The following NOS2 variants were observed in gnomAD, a reference collection of about 807,000 sequenced individuals.
NOS2 encodes nitric oxide synthase, inducible.
NOS2 carries 96 observed loss-of-function variants against 136.0 expected under a neutral mutation model. The observed-to-expected ratio is 0.71, with a 90% CI of 0.60 to 0.84. The LOEUF (loss-of-function observed/expected upper bound fraction) is 0.84, where lower values mean the gene tolerates loss of function less well. Among genes scored for constraint, NOS2 ranks in the 40% least tolerant of loss-of-function variants. The pLI is 0.00. For missense variants in NOS2, 1,237 were observed against 1,496.9 expected, an observed-to-expected ratio of 0.83 and a Z score of 2.87; for synonymous variants, 539 against 587.5, an observed-to-expected ratio of 0.92 and a Z score of 1.20.
Position 27,764,066 on chromosome 17 carries a change from G to A in NOS2, c.2507C>T (p.Thr836Ile), listed in dbSNP as rs201999889. Residue 836 changes from threonine (T) to isoleucine (I), a missense_variant, in exon 21 of 27, where the codon ACA (threonine) becomes ATA (isoleucine). Thr to Ile is a moderately conservative substitution (Grantham distance 89, BLOSUM62 -1). Coordinates refer to ENST00000313735, the MANE Select transcript of NOS2 (RefSeq NM_000625.4). ...TTGGAGCAGCAGCTGGGTTGGGGGT[G>A]TGGTGATGTCCAGGAAGTAGGTGAG... is the stretch of plus-strand genomic sequence containing the variant. ...QALTYFLDITTPPTQLLLQKL... is the reference protein window; with the variant it reads ...QALTYFLDITIPPTQLLLQKL... 4 of 1,612,694 alleles carry A rather than the reference G, an allele frequency of 2.5e-6. No homozygotes were observed. The highest frequency in any genetic ancestry group is 3.4e-6 in the Non-Finnish European group (4 of 1,179,452).
chr17:27,795,876 C>A (rs530769575), intron 2 of NOS2, among the ~76,000 whole-genome samples: 1 of 152,280 alleles, frequency 6.6e-6, no homozygotes, highest in East Asian at 1.9e-4. Context: ...GTCACATGTC[C>A]ACTGCAGCTC....
chr17:27,762,456 G>T (rs1908163142), intron 22 of NOS2, among the ~76,000 whole-genome samples: 1 of 152,210 alleles, frequency 6.6e-6, no homozygotes, highest in South Asian at 2.1e-4. Context: ...TGTCCCAAGA[G>T]TAGTGGGACA....
At chr17:27,799,982 A>G (rs1758766634) in intron 1 of NOS2, among the ~76,000 whole-genome samples, 1 of 152,230 alleles carries the variant, frequency 6.6e-6, no homozygotes. Context: ...TTATTCATCC[A>G]TAAAATGGGT....
intron 12 of NOS2, 76 bp from the exon 13 acceptor site, chr17:27,773,319 A>G: frequency 2.0e-6 from 2 of 992,726 alleles, no homozygotes; most frequent in Admixed American, 3.7e-5. Flanking sequence ...GGAGTGGTAG[A>G]GGACCCTTCA....
rs144240446 is a variant in NOS2 at position 27,758,965 on chromosome 17, G to A, written c.3270C>T (p.Asp1090=). Residue 1090 remains aspartate, a synonymous_variant, in exon 26 of 27, where the codon GAC becomes GAT. Transcript: ENST00000313735. ...YVCGDVRMAR[D]VAHTLKQLVA... ...CCAGCTGCTTCAGGGTGTGGGCCAC[G>A]TCCCGGGCCATGCGCACATCCCCGC... The A allele has an allele frequency of 2.2e-5, 35 of 1,612,994 alleles. No individual in the cohort carries two copies. Among genetic ancestry groups the A allele is most frequent in the African/African-American group, 8.0e-5 (6 of 74,918 alleles).
intron 4 of NOS2, 130 bp downstream of exon 4, chr17:27,788,679 G>T: frequency 8.8e-7 from 1 of 1,140,802 alleles, no homozygotes; most frequent in Non-Finnish European, 1.2e-6. Context: ...GAATGTCTCT[G>T]TTCCTAGACC....
intron 2 of NOS2, among the ~76,000 whole-genome samples, chr17:27,792,815 C>CA (rs34992777): frequency 0.56 from 29,620 of 52,668 alleles, 8,094 homozygotes; most frequent in Middle Eastern, 0.69. Context: ...CCTATCTCTA[C>CA]AAAAAAAAAA....
At position 27,791,306 on chromosome 17, in the gene NOS2, G is replaced by A. The variant is rs8067177; in HGVS notation, c.111-1618C>T. Reference sequence around the variant, plus strand: ...TTACTCAGACTTCTGAATCTTCTGCGGGGCCCATCCAAGCATTTCCTTGTA... The same window carrying A: ...TTACTCAGACTTCTGAATCTTCTGCAGGGCCCATCCAAGCATTTCCTTGTA... On this transcript the variant is annotated intron_variant, in intron 2 of 26. Coordinates refer to ENST00000313735, the MANE Select transcript of NOS2 (RefSeq NM_000625.4). Among the ~76,000 whole-genome samples the A allele has an allele frequency of 2.8e-3, 422 of 152,174 alleles. 4 individuals carry two copies. The highest frequency in any genetic ancestry group is 9.5e-3 in the African/African-American group (394 of 41,510).
Position 27,781,125 on chromosome 17 carries a change from C to A in NOS2, c.775G>T (p.Val259Leu), listed in dbSNP as rs143537629. ...TAGCGGATGAGCTGAGCATTCCACA[C>A]CCGGAAGTCGTGCTTGCCATCACTC... The part of the protein sequence containing the change: ...QRSDGKHDFR[V>L]WNAQLIRYAG... The change falls in exon 8 of 27, where the codon GTG becomes TTG. Residue 259 changes from valine (V) to leucine (L), a missense_variant. Physicochemically the swap from Val to Leu is conservative, Grantham distance 32. Around this residue, in one of 3 missense-constraint regions of NOS2, gnomAD observed 440 missense variants for 545.4 expected, o/e 0.81. Coordinates refer to ENST00000313735, the MANE Select transcript of NOS2 (RefSeq NM_000625.4). 1 of 1,612,932 alleles carries A rather than the reference C, an allele frequency of 6.2e-7. No individual in the cohort carries two copies.
intron 25 of NOS2, among the ~76,000 whole-genome samples, chr17:27,759,589 A>G (rs1487118447): frequency 6.6e-6 from 1 of 152,102 alleles, no homozygotes; most frequent in Admixed American, 6.5e-5. Flanking sequence ...CTGATGGGAC[A>G]AATGTGTGAA....
intron 12 of NOS2, 71 bp downstream of exon 12, chr17:27,774,186 G>A (rs1288961851): frequency 8.6e-7 from 1 of 1,160,448 alleles, no homozygotes; most frequent in Non-Finnish European, 1.1e-6. Flanking sequence ...TAACAATGAG[G>A]TGCACACACA....
chr17:27,775,403 G>A (rs761881927), intron 11 of NOS2, among the ~76,000 whole-genome samples: 1 of 152,072 alleles, frequency 6.6e-6, no homozygotes, highest in African/African-American at 2.4e-5. Context: ...TTTGAGACCA[G>A]CCTGACCAAC....
rs139912863 is a variant in NOS2, at chr17:27,788,837, T to C, written c.290A>G (p.Gln97Arg). The stretch of plus-strand genomic sequence containing the variant: ...TTTGGCCTTATGGTGAAGTGTGTCT[T>C]GGAAAGTCATCCCGCTGCCCCAGTT... The part of the protein sequence containing the change: ...IKNWGSGMTF[Q>R]DTLHHKAKGI... Residue 97 changes from glutamine to arginine, a missense_variant, in exon 4 of 27, where the codon CAA becomes CGA. By Grantham distance (43) the Gln-to-Arg change is conservative (BLOSUM62 1). Coordinates refer to ENST00000313735, the MANE Select transcript of NOS2 (RefSeq NM_000625.4). 2.0e-5 allele frequency: 32 copies of C among 1,614,052 alleles called. No homozygotes were observed. The highest frequency in any genetic ancestry group is 2.6e-5 in the Non-Finnish European group (31 of 1,180,020).
At chr17:27,772,275 G>GA (rs1409291688) in intron 14 of NOS2, 33 bp downstream of exon 14, 3 of 1,613,014 alleles carry the variant, frequency 1.9e-6, no homozygotes, top group Non-Finnish European at 8.5e-7. Flanking sequence ...CACACAAGCA[G>GA]AAAAAACAAC....
chr17:27,799,806 A>AG (rs1909476186), intron 1 of NOS2, among the ~76,000 whole-genome samples: 1 of 151,958 alleles, frequency 6.6e-6, no homozygotes, highest in Admixed American at 6.5e-5. Flanking sequence ...AAAAAAAGAA[A>AG]GAAAGGGAAG....
At chr17:27,777,063 G>A (rs986631462) in intron 11 of NOS2, among the ~76,000 whole-genome samples, 1 of 152,162 alleles carries the variant, frequency 6.6e-6, no homozygotes, top group Non-Finnish European at 1.5e-5. Context: ...CAGGATGTGT[G>A]GTGCAAAGCC....
chr17:27,771,724 A>G (rs1338757141), intron 14 of NOS2, among the ~76,000 whole-genome samples: 2 of 151,974 alleles, frequency 1.3e-5, no homozygotes, highest in Non-Finnish European at 2.9e-5. Context: ...TCCTCTGTGC[A>G]TTAACAATGG....
At chr17:27,786,340 C>T (rs149156046) in intron 5 of NOS2, among the ~76,000 whole-genome samples, 1,661 of 152,060 alleles carry the variant, frequency 0.011, 29 homozygotes, top group African/African-American at 0.037. Flanking sequence ...GCAGGAGAAT[C>T]GCTTAAACCC....
At chr17:27,773,749 C>T (rs1908573047) in intron 12 of NOS2, among the ~76,000 whole-genome samples, 1 of 152,194 alleles carries the variant, frequency 6.6e-6, no homozygotes, top group South Asian at 2.1e-4. Context: ...TTCTCAATAG[C>T]TCATGGTTAC....
Sources: allele counts gnomAD v4.1 joint callset (sites outside exome capture counted in the v4.1 genomes callset), GRCh38; gene constraint gnomAD v4.1.1; regional missense constraint gnomAD v4.1.1; transcripts MANE v1.5; gene names NCBI Gene and HGNC (gene_info 2026-07-23, HGNC 2026-07-21).